CSMD1: variants seen among roughly 807,000 people sequenced by gnomAD.
CSMD1 encodes CUB and sushi domain-containing protein 1.
In CSMD1, 213 loss-of-function variants were observed where a neutral mutation model predicts 417.5. That is an observed-to-expected ratio of 0.51 (90% CI 0.46 to 0.57). CSMD1 has a LOEUF of 0.57. CSMD1 is among the 20% of genes least tolerant of loss of function. CSMD1 has a pLI of 0.00. For missense variants in CSMD1, 6,923 were observed against 4,529.7 expected, an observed-to-expected ratio of 1.53 and a Z score of -15.17; for synonymous variants, 2,862 against 1,736.8, an observed-to-expected ratio of 1.65 and a Z score of -16.11.
rs1325126801 is a variant in CSMD1, at chr8:4,628,478, A to C, written c.302+8864T>G. Among the ~76,000 whole-genome samples, 3 of 148,946 alleles carry C rather than the reference A, an allele frequency of 2.0e-5. No individual in the cohort carries two copies. The East Asian group carries it at 6.1e-4, about 30-fold the overall frequency. On this transcript the variant is annotated intron_variant, in intron 2 of 69. Transcript: ENST00000635120. ...TACATATATATGTATATGTATATAT[A>C]CACACAGTATCAGTATATACACACA...
At chr8:3,024,650 G>T (rs1248741141) in intron 51 of CSMD1, among the ~76,000 whole-genome samples, 1 of 152,056 alleles carries the variant, frequency 6.6e-6, no homozygotes, top group Non-Finnish European at 1.5e-5. Context: ...CTTTCTTTTG[G>T]GTGAGTAAAG....
chr8:4,027,917 T>C (rs1336870172), intron 4 of CSMD1, among the ~76,000 whole-genome samples: 1 of 152,078 alleles, frequency 6.6e-6, no homozygotes, highest in Non-Finnish European at 1.5e-5. Context: ...AGTGAGAATG[T>C]AATGGAAATA....
intron 5 of CSMD1, among the ~76,000 whole-genome samples, chr8:3,965,220 T>C (rs147598037): frequency 1.3e-5 from 2 of 152,192 alleles, no homozygotes; most frequent in African/African-American, 2.4e-5. Flanking sequence ...GGGGCTGAAC[T>C]TGAACAGAGA....
chr8:4,427,246 T>TC (rs1429285146), intron 2 of CSMD1, among the ~76,000 whole-genome samples: 1 of 152,124 alleles, frequency 6.6e-6, no homozygotes, highest in Non-Finnish European at 1.5e-5. Context: ...CCCTGAATGG[T>TC]CCTCAGTCCA....
At chr8:2,999,170 TTTG>T (rs1807173630) in intron 53 of CSMD1, among the ~76,000 whole-genome samples, 1 of 150,072 alleles carries the variant, frequency 6.7e-6, no homozygotes, top group African/African-American at 2.5e-5. Flanking sequence ...TTTTTTTTTT[TTTG>T]AGATAGAGTC....
intron 2 of CSMD1, among the ~76,000 whole-genome samples, chr8:4,468,966 G>A (rs189599235): frequency 2.0e-5 from 3 of 152,264 alleles, no homozygotes; most frequent in Admixed American, 2.0e-4. Flanking sequence ...TCAAGAGCAT[G>A]ATGTGAGATG....
intron 25 of CSMD1, among the ~76,000 whole-genome samples, chr8:3,298,565 TGCCTCA>T (rs1474254521): frequency 6.6e-6 from 1 of 152,190 alleles, no homozygotes; most frequent in Non-Finnish European, 1.5e-5. Context: ...GCAATTCTTC[TGCCTCA>T]GCCTCCCGAG....
At position 4,147,699 on chromosome 8, in the gene CSMD1, T is replaced by C. The variant is rs187916658; in HGVS notation, c.416-115600A>G. Among the ~76,000 whole-genome samples the C allele has an allele frequency of 2.6e-4, 40 of 152,238 alleles. No individual in the cohort carries two copies. The East Asian group carries it at 5.2e-3, about 20-fold the overall frequency. On this transcript the variant is annotated intron_variant, in intron 3 of 69. Coordinates refer to ENST00000635120, the MANE Select transcript of CSMD1 (RefSeq NM_033225.6). ...TTCTTTGAAATATCTGACATCACCA[T>C]GGTCAGGTTTCAGATGCAGACACTG...
chr8:4,076,398 G>C (rs566169646), intron 3 of CSMD1, among the ~76,000 whole-genome samples: 4 of 152,218 alleles, frequency 2.6e-5, no homozygotes, highest in East Asian at 1.9e-4. Flanking sequence ...TTATAGCAGC[G>C]TAAGAATGGA....
intron 5 of CSMD1, among the ~76,000 whole-genome samples, chr8:3,848,496 T>A (rs13269747): frequency 1.3e-5 from 2 of 151,812 alleles, no homozygotes; most frequent in Non-Finnish European, 2.9e-5. Flanking sequence ...GGATTTATAC[T>A]TTCCGATTTT....
rs1808300880 is a variant in CSMD1, at chr8:3,350,004, T to TAACTATAATA, written c.3305-1844_3305-1843insTATTATAGTT. ...ATAATTACTTGTGTATGTGTTATAA[T>TAACTATAATA]ACCTATAATAACTTGTGTATGTGTG... is the stretch of plus-strand genomic sequence containing the variant. On this transcript the variant is annotated intron_variant, in intron 21 of 69. Coordinates refer to ENST00000635120, the MANE Select transcript of CSMD1 (RefSeq NM_033225.6). 5.5e-5 allele frequency among the ~76,000 whole-genome samples: 8 copies of TAACTATAATA among 146,440 alleles called. 1 individual carries two copies.
At chr8:3,964,023 A>T (rs1043003366) in intron 5 of CSMD1, among the ~76,000 whole-genome samples, 4 of 152,232 alleles carry the variant, frequency 2.6e-5, no homozygotes, top group African/African-American at 9.6e-5. Context: ...AAGAAACTTC[A>T]TGCTTTGCAT....
chr8:4,575,362 G>A (rs549077839), intron 2 of CSMD1, among the ~76,000 whole-genome samples: 1 of 152,174 alleles, frequency 6.6e-6, no homozygotes, highest in Admixed American at 6.5e-5. Context: ...TATTAAAGTT[G>A]CGGGATGAAA....
intron 1 of CSMD1, among the ~76,000 whole-genome samples, chr8:4,663,613 G>A (rs955552312): frequency 2.6e-5 from 4 of 152,084 alleles, no homozygotes; most frequent in African/African-American, 9.7e-5. Flanking sequence ...TCCAGCCAAG[G>A]AAGACATGCC....
At chr8:3,788,801 G>C (rs988811658) in intron 5 of CSMD1, among the ~76,000 whole-genome samples, 3 of 152,238 alleles carry the variant, frequency 2.0e-5, no homozygotes, top group East Asian at 1.9e-4. Flanking sequence ...CAATACACAG[G>C]ACAGACGCAT....
chr8:3,842,430 T>G (rs1309771306), intron 5 of CSMD1, among the ~76,000 whole-genome samples: 45 of 152,140 alleles, frequency 3.0e-4, no homozygotes, highest in Admixed American at 2.9e-3. Flanking sequence ...CAAGACTATA[T>G]TTTAAACAGA....
intron 8 of CSMD1, among the ~76,000 whole-genome samples, chr8:3,590,422 T>C (rs1005038442): frequency 6.6e-6 from 1 of 152,176 alleles, no homozygotes; most frequent in Non-Finnish European, 1.5e-5. Flanking sequence ...CGGCTCTTAC[T>C]CTTCTCAGAT....
intron 3 of CSMD1, among the ~76,000 whole-genome samples, chr8:4,373,941 T>C (rs745913372): frequency 2.0e-5 from 3 of 152,328 alleles, no homozygotes; most frequent in East Asian, 1.9e-4. Context: ...CCTAGAAGAC[T>C]TTAGTGTCTC....
intron 10 of CSMD1, among the ~76,000 whole-genome samples, chr8:3,510,107 C>G (rs1393816860): frequency 6.6e-6 from 1 of 152,008 alleles, no homozygotes; most frequent in African/African-American, 2.4e-5. Flanking sequence ...TGATTCCAGC[C>G]TGAACATAAG....
Sources: allele counts gnomAD v4.1 joint callset (sites outside exome capture counted in the v4.1 genomes callset), GRCh38; gene constraint gnomAD v4.1.1; transcripts MANE v1.5; gene names NCBI Gene and HGNC (gene_info 2026-07-23, HGNC 2026-07-21).